Variants in SUPT3H observed in about 807,000 individuals in gnomAD.
The protein encoded by SUPT3H is SPT3 homolog, SAGA and STAGA complex component, also known as transcription initiation protein SPT3 homolog.
Under a neutral mutation model 44.3 loss-of-function variants are expected in SUPT3H, and 44 were observed. The ratio of observed to expected loss-of-function variants is 0.99; its 90% CI spans 0.78 to 1.28. SUPT3H has a LOEUF of 1.28. Among genes scored for constraint, SUPT3H ranks in the 50% most tolerant of loss-of-function variants. The probability of loss-of-function intolerance (pLI) is 0.00; values close to 1 mark genes in which losing one functional copy is unlikely to be tolerated. For missense variants in SUPT3H, 380 were observed against 387.1 expected (o/e 0.98, Z 0.15); for synonymous variants, 124 against 125.6 (o/e 0.99, Z 0.09).
Position 45,003,777 on chromosome 6 carries a change from C to A in SUPT3H, c.380G>T (p.Ser127Ile). The A allele has an allele frequency of 6.2e-7, 1 of 1,613,574 alleles. No individual in the cohort carries two copies. The highest frequency in any genetic ancestry group is 8.5e-7 in the Non-Finnish European group (1 of 1,179,764). ...CTTTTGTCTTTTGTTCGCATTATTGCTGCCACTCAATTTGTCTTCATGAAG... is the reference window on the plus strand; with the variant it reads ...CTTTTGTCTTTTGTTCGCATTATTGATGCCACTCAATTTGTCTTCATGAAG... ...DDLLEDKLSG[S>I]NNANKRQKIA... The change falls in exon 6 of 11, where the codon AGC (serine) becomes ATC (isoleucine). Residue 127 changes from serine to isoleucine, a missense_variant. By Grantham distance (142) the Ser-to-Ile change is moderately radical. Transcript: ENST00000371459.
At chr6:45,174,548 G>A (rs1584018336) in intron 2 of SUPT3H, among the ~76,000 whole-genome samples, 1 of 152,068 alleles carries the variant, frequency 6.6e-6, no homozygotes, top group African/African-American at 2.4e-5. Flanking sequence ...TGGGCAACAG[G>A]AACATCAACA....
chr6:44,920,565 C>T (rs1289176572), intron 10 of SUPT3H, among the ~76,000 whole-genome samples: 2 of 113,464 alleles, frequency 1.8e-5, no homozygotes, highest in African/African-American at 3.4e-5. Flanking sequence ...TTGTTTCTTT[C>T]AAAAAAAAAA....
chr6:44,885,011 T>G (rs184520577), intron 10 of SUPT3H, among the ~76,000 whole-genome samples: 488 of 152,236 alleles, frequency 3.2e-3, no homozygotes, highest in African/African-American at 0.011. Flanking sequence ...TCTGGCTGAT[T>G]GCTAGCACAG....
chr6:45,110,375 A>G (rs1000999124), intron 2 of SUPT3H, among the ~76,000 whole-genome samples: 1 of 152,172 alleles, frequency 6.6e-6, no homozygotes, highest in Non-Finnish European at 1.5e-5. Context: ...ACCATTGGAT[A>G]CTGTTTTAAA....
chr6:45,231,476 G>T (rs951156136), intron 2 of SUPT3H, among the ~76,000 whole-genome samples: 2 of 152,108 alleles, frequency 1.3e-5, no homozygotes, highest in African/African-American at 2.4e-5. Context: ...GTCTGATGGG[G>T]CTCTTTTATA....
chr6:45,158,194 A>C (rs1042770761), intron 2 of SUPT3H, among the ~76,000 whole-genome samples: 1 of 124,114 alleles, frequency 8.1e-6, no homozygotes, highest in Non-Finnish European at 1.7e-5. Context: ...TCTGGGTAGA[A>C]ACCATAGAGA....
chr6:45,288,599 GTATATATATATATGTATATATATATA>G (rs1562883063), intron 2 of SUPT3H, among the ~76,000 whole-genome samples: 6 of 32,438 alleles, frequency 1.8e-4, no homozygotes, highest in Non-Finnish European at 4.6e-4. Context: ...ATATATATGT[GTATATATATATATGTATATATATATA>G]TATATATATA....
chr6:44,983,505 G>T (rs980782254), intron 6 of SUPT3H, among the ~76,000 whole-genome samples: 2 of 151,720 alleles, frequency 1.3e-5, no homozygotes, highest in Admixed American at 6.6e-5. Context: ...AAGAAAGAAA[G>T]AAAAAAAATC....
intron 2 of SUPT3H, among the ~76,000 whole-genome samples, chr6:45,350,022 A>T (rs1035872875): frequency 2.0e-5 from 3 of 152,242 alleles, no homozygotes; most frequent in Non-Finnish European, 4.4e-5. Flanking sequence ...ATAAAGTAGT[A>T]TTGCCACTAT....
chr6:45,091,381 C>T (rs1335006170), intron 3 of SUPT3H, among the ~76,000 whole-genome samples: 1 of 151,920 alleles, frequency 6.6e-6, no homozygotes, highest in Non-Finnish European at 1.5e-5. Context: ...ACTCTGAAAA[C>T]AATATTCTTC....
At chr6:44,966,400 TAAAATTTATAA>T (rs1776783058) in intron 6 of SUPT3H, among the ~76,000 whole-genome samples, 1 of 150,186 alleles carries the variant, frequency 6.7e-6, no homozygotes. Flanking sequence ...TTTTATAAAA[TAAAATTTATAA>T]AATATTTATA....
intron 2 of SUPT3H, among the ~76,000 whole-genome samples, chr6:45,142,316 G>A (rs1027532253): frequency 1.3e-5 from 2 of 152,058 alleles, no homozygotes; most frequent in African/African-American, 2.4e-5. Flanking sequence ...GAATCTCACA[G>A]AGCCTATAAA....
chr6:44,943,898 G>A (rs947644675), intron 9 of SUPT3H, among the ~76,000 whole-genome samples: 1 of 151,956 alleles, frequency 6.6e-6, no homozygotes, highest in Admixed American at 6.6e-5. Context: ...AAATTTAGCA[G>A]AACAGAAAAG....
chr6:45,004,159 T>G (rs1782386058), intron 5 of SUPT3H, among the ~76,000 whole-genome samples: 1 of 151,834 alleles, frequency 6.6e-6, no homozygotes, highest in Admixed American at 6.6e-5. Flanking sequence ...AAATGATGAG[T>G]AAGGATATGC....
intron 2 of SUPT3H, among the ~76,000 whole-genome samples, chr6:45,238,110 G>T (rs1021155348): frequency 1.2e-4 from 18 of 152,128 alleles, no homozygotes; most frequent in African/African-American, 4.3e-4. Context: ...GACTTATGTA[G>T]GGCAAGCAAT....
intron 10 of SUPT3H, among the ~76,000 whole-genome samples, chr6:44,882,947 C>A (rs1003625394): frequency 2.6e-5 from 4 of 152,170 alleles, no homozygotes; most frequent in Non-Finnish European, 5.9e-5. Flanking sequence ...TAGGCAAAAG[C>A]TGGAAGCATT....
chr6:45,175,346 C>G (rs1464927017), intron 2 of SUPT3H, among the ~76,000 whole-genome samples: 1 of 152,136 alleles, frequency 6.6e-6, no homozygotes. Flanking sequence ...AGGAAACTTA[C>G]AGTCACGGTG....
chr6:44,928,678 G>C (rs938967768), intron 10 of SUPT3H, among the ~76,000 whole-genome samples: 1 of 151,326 alleles, frequency 6.6e-6, no homozygotes, highest in East Asian at 1.9e-4. Flanking sequence ...GGCGGATCAC[G>C]AGGTCAGGAG....
chr6:45,149,058 C>T (rs1161802939), intron 2 of SUPT3H, among the ~76,000 whole-genome samples: 2 of 152,162 alleles, frequency 1.3e-5, no homozygotes, highest in East Asian at 3.8e-4. Context: ...TTCCAATTCT[C>T]TTTTGTGTGA....
Sources: allele counts gnomAD v4.1 joint callset (sites outside exome capture counted in the v4.1 genomes callset), GRCh38; gene constraint gnomAD v4.1.1; transcripts MANE v1.5; gene names NCBI Gene and HGNC (gene_info 2026-07-23, HGNC 2026-07-21).